The following UPP2 variants were observed in gnomAD, a reference collection of about 807,000 sequenced individuals.
UPP2 encodes the protein uridine phosphorylase 2.
Under a neutral mutation model 26.7 loss-of-function variants are expected in UPP2, and 23 were observed. The observed-to-expected ratio is 0.86, with a 90% CI of 0.62 to 1.22. The LOEUF is 1.22. Ranked by LOEUF, UPP2 falls within the 50% of genes most tolerant of loss-of-function variation. UPP2 has a pLI of 0.00. For missense variants in UPP2, 387 were observed against 396.7 expected (o/e 0.98, Z 0.21); for synonymous variants, 127 against 141.3 (o/e 0.90, Z 0.72).
chr2:158,093,744 G>C (rs951486124), intron 3 of UPP2, among the ~76,000 whole-genome samples: 1 of 151,824 alleles, frequency 6.6e-6, no homozygotes, highest in Non-Finnish European at 1.5e-5. Flanking sequence ...GGGGAAATGG[G>C]GTTTATTATA....
intron 2 of UPP2, among the ~76,000 whole-genome samples, chr2:157,999,126 A>G (rs1381019688): frequency 2.0e-5 from 3 of 151,886 alleles, no homozygotes; most frequent in African/African-American, 7.3e-5. Context: ...CATCTCACAT[A>G]TTGTATTTTT....
chr2:158,112,118 C>G (rs916377675), intron 2 of UPP2, among the ~76,000 whole-genome samples: 3 of 152,038 alleles, frequency 2.0e-5, no homozygotes, highest in Non-Finnish European at 4.4e-5. Context: ...ATAAAATCCA[C>G]GTCAAAATGC....
rs1189929170 is a variant in UPP2, at chr2:158,046,754, C to T, written c.147+30868C>T. Among the ~76,000 whole-genome samples, 6 of 152,166 alleles carry T rather than the reference C, an allele frequency of 3.9e-5. No individual in the cohort carries two copies. The South Asian group carries it at 1.2e-3, about 31-fold the overall frequency. Reference sequence around the variant, plus strand: ...CTTATGTAATTCCTACAAACCTCTCCACTTATGTAATTGTGATTGAGTTTT... The same window carrying T: ...CTTATGTAATTCCTACAAACCTCTCTACTTATGTAATTGTGATTGAGTTTT... On this transcript the variant is annotated intron_variant, in intron 3 of 9. Transcript: ENST00000605860.
At chr2:158,076,770 T>C (rs529231635) in intron 3 of UPP2, among the ~76,000 whole-genome samples, 1 of 152,220 alleles carries the variant, frequency 6.6e-6, no homozygotes, top group African/African-American at 2.4e-5. Flanking sequence ...ACGTCAAAGA[T>C]GCCTGCTTTC....
intron 4 of UPP2, among the ~76,000 whole-genome samples, chr2:158,121,164 C>T (rs1208850697): frequency 6.6e-6 from 1 of 151,860 alleles, no homozygotes; most frequent in African/African-American, 2.4e-5. Context: ...TTTGCATGTC[C>T]AAGAGTCATG....
At chr2:158,127,881 G>C (rs565665089) in intron 6 of UPP2, 2 of 474,326 alleles carry the variant, frequency 4.2e-6, no homozygotes, top group Non-Finnish European at 5.5e-6. Context: ...ATGTAAACCT[G>C]TTCAATGGAA....
chr2:158,078,733 G>A (rs1369025848), intron 3 of UPP2, among the ~76,000 whole-genome samples: 1 of 152,076 alleles, frequency 6.6e-6, no homozygotes, highest in Admixed American at 6.6e-5. Context: ...GCACAACAGG[G>A]TGAATATAAT....
At chr2:158,075,184 C>T (rs561802517) in intron 3 of UPP2, among the ~76,000 whole-genome samples, 2 of 152,122 alleles carry the variant, frequency 1.3e-5, no homozygotes, top group African/African-American at 2.4e-5. Context: ...CTGAAGATTT[C>T]AACACCCCAC....
At chr2:158,053,504 A>G (rs1682191859) in intron 3 of UPP2, among the ~76,000 whole-genome samples, 1 of 152,184 alleles carries the variant, frequency 6.6e-6, no homozygotes, top group Non-Finnish European at 1.5e-5. Context: ...TATTGCTTGT[A>G]TCTTGTACAG....
chr2:158,079,680 A>G (rs953529703), intron 3 of UPP2, among the ~76,000 whole-genome samples: 6 of 152,130 alleles, frequency 3.9e-5, no homozygotes, highest in Admixed American at 6.6e-5. Context: ...GGCTGAAAAA[A>G]AGCCTTTTCC....
intron 3 of UPP2, among the ~76,000 whole-genome samples, chr2:158,067,694 A>G (rs1293022866): frequency 2.2e-4 from 33 of 152,154 alleles, no homozygotes; most frequent in Non-Finnish European, 1.5e-5. Flanking sequence ...GCCCCAGAAT[A>G]ATTCCTGAAA....
At chr2:158,123,986 T>C in intron 6 of UPP2, 91 bp downstream of exon 6, 2 of 1,440,830 alleles carry the variant, frequency 1.4e-6, no homozygotes, top group Non-Finnish European at 9.4e-7. Context: ...TCCAGCTATA[T>C]ATTACCTTGG....
intron 6 of UPP2, among the ~76,000 whole-genome samples, chr2:158,130,454 A>AAC (rs1553471661): frequency 4.3e-5 from 3 of 69,578 alleles, no homozygotes; most frequent in African/African-American, 2.2e-4. Flanking sequence ...CCGTCTCAAA[A>AAC]AAAAAAACAA....
chr2:158,124,620 C>T (rs1480071274), intron 6 of UPP2, among the ~76,000 whole-genome samples: 2 of 152,114 alleles, frequency 1.3e-5, no homozygotes, highest in East Asian at 1.9e-4. Context: ...AACGAGAAGG[C>T]GAACGCAGTA....
At chr2:158,092,143 C>A (rs1172780903) in intron 3 of UPP2, among the ~76,000 whole-genome samples, 4 of 151,956 alleles carry the variant, frequency 2.6e-5, no homozygotes, top group African/African-American at 9.7e-5. Context: ...ACTGAGGTGG[C>A]CTAACATACA....
intron 3 of UPP2, among the ~76,000 whole-genome samples, chr2:158,051,471 A>G (rs1012619765): frequency 5.9e-5 from 9 of 152,142 alleles, no homozygotes; most frequent in African/African-American, 2.2e-4. Context: ...AACAAATATT[A>G]CTTGGAGTGA....
At chr2:158,108,586 C>G (rs1268834137) in intron 2 of UPP2, among the ~76,000 whole-genome samples, 1 of 151,454 alleles carries the variant, frequency 6.6e-6, no homozygotes, top group East Asian at 1.9e-4. Context: ...ATGTATCTCT[C>G]TCACACACGC....
chr2:158,101,958 T>C lies in UPP2; in HGVS notation c.-106T>C. 1.4e-6 allele frequency: 2 copies of C among 1,478,466 alleles called. No individual in the cohort carries two copies. The highest frequency in any genetic ancestry group is 2.5e-5 in the East Asian group (1 of 40,274). 91.6% of individuals were successfully genotyped at this position (1,478,466 alleles called of 1,614,324 possible). On this transcript the variant is annotated 5_prime_UTR_variant, in exon 1 of 7. Transcript: ENST00000005756. ...TAAGTTTTAAGAGAGGTTATCATTC[T>C]GACTGGGAACTGAACTATTATGACT...
chr2:158,005,735 T>C (rs1435598652), intron 2 of UPP2, among the ~76,000 whole-genome samples: 2 of 152,202 alleles, frequency 1.3e-5, no homozygotes, highest in Non-Finnish European at 2.9e-5. Flanking sequence ...GGAATCAAGT[T>C]GAGTGCTTGA....
Sources: gnomAD v4.1 joint callset for allele counts (sites outside exome capture counted in the v4.1 genomes callset) on GRCh38, gnomAD v4.1.1 for gene constraint, MANE v1.5 for transcripts, NCBI Gene and HGNC (gene_info 2026-07-23, HGNC 2026-07-21) for gene names.